NPAS2: variants seen among roughly 807,000 people sequenced by gnomAD.
The protein encoded by NPAS2 is neuronal PAS domain protein 2, also known as neuronal PAS domain-containing protein 2.
In NPAS2, 23 loss-of-function variants were observed where a neutral mutation model predicts 107.5. The observed-to-expected ratio is 0.21, with a 90% confidence interval of 0.15 to 0.30. The LOEUF (loss-of-function observed/expected upper bound fraction) is 0.30, where lower values mean the gene tolerates loss of function less well. Ranked by LOEUF, NPAS2 falls within the 10% of genes least tolerant of loss-of-function variation. The pLI is 1.00. For synonymous variants in NPAS2, 403 were observed against 417.5 expected (o/e 0.97, Z 0.42); for missense variants, 756 against 1,043.3 (o/e 0.72, Z 3.79).
chr2:100,898,672 C>T (rs1681576009), intron 1 of NPAS2, among the ~76,000 whole-genome samples: 1 of 151,940 alleles, frequency 6.6e-6, no homozygotes, highest in Admixed American at 6.6e-5. Context: ...AATTGTTAAT[C>T]TGATACAGGT....
At position 100,949,375 on chromosome 2, in the gene NPAS2, G is replaced by T. The variant is rs748982724; in HGVS notation, c.493G>T (p.Asp165Tyr). Reference sequence around the variant, plus strand: ...TTCCTTTAACGGCCCAGCTGACAGCGATTTAGAGTTTTATTGCCATCTTCT... The same window carrying T: ...TTCCTTTAACGGCCCAGCTGACAGCTATTTAGAGTTTTATTGCCATCTTCT... ...PSPEYLKSDS[D>Y]LEFYCHLLRG... The change falls in exon 7 of 21, where the codon GAT becomes TAT. Residue 165 changes from aspartate to tyrosine, a missense_variant. This residue lies in a region of NPAS2 where 146 missense variants were observed against 249.6 expected (regional missense o/e 0.58). Coordinates refer to ENST00000335681, the MANE Select transcript of NPAS2 (RefSeq NM_002518.4). 6.2e-7 allele frequency: 1 copy of T among 1,608,512 alleles called. No individual in the cohort carries two copies.
chr2:100,880,685 T>G (rs1170277606), intron 1 of NPAS2, among the ~76,000 whole-genome samples: 1 of 152,174 alleles, frequency 6.6e-6, no homozygotes, highest in Admixed American at 6.5e-5. Context: ...AAGGTGGTAG[T>G]TGCACAACAT....
chr2:100,858,663 C>T (rs373853925), intron 1 of NPAS2, among the ~76,000 whole-genome samples: 2 of 152,268 alleles, frequency 1.3e-5, no homozygotes, highest in African/African-American at 4.8e-5. Context: ...ACATCATTAA[C>T]GTCAGATCTC....
chr2:100,918,941 A>T (rs1355635559), intron 2 of NPAS2, among the ~76,000 whole-genome samples: 1 of 152,198 alleles, frequency 6.6e-6, no homozygotes, highest in Non-Finnish European at 1.5e-5. Flanking sequence ...CCTGTACACC[A>T]ATGGGCATAG....
At chr2:100,960,404 A>G in intron 7 of NPAS2, among the ~76,000 whole-genome samples, 1 of 151,890 alleles carries the variant, frequency 6.6e-6, no homozygotes, top group East Asian at 1.9e-4. Flanking sequence ...CTCTACTAAA[A>G]GTACAAAAAT....
intron 1 of NPAS2, among the ~76,000 whole-genome samples, chr2:100,828,938 C>A (rs1676555265): frequency 6.6e-6 from 1 of 152,100 alleles, no homozygotes; most frequent in African/African-American, 2.4e-5. Context: ...TGAAAAATGA[C>A]ATTGGTTGTT....
In NPAS2 at chr2:100,879,196, A is replaced by C. The variant is rs182981275; in HGVS notation, c.-22-25537A>C. 3.3e-5 allele frequency among the ~76,000 whole-genome samples: 5 copies of C among 152,290 alleles called. No homozygotes were observed. The East Asian group carries it at 9.6e-4, about 29-fold the overall frequency. On this transcript the variant is annotated intron_variant, in intron 1 of 20. Transcript: ENST00000335681. ...TCCAGGGCACATGTTGCTAAACATG[A>C]ATCATTTGCTTCATTGATAATTATA...
intron 3 of NPAS2, among the ~76,000 whole-genome samples, chr2:100,928,116 A>G (rs1489805607): frequency 6.6e-6 from 1 of 152,144 alleles, no homozygotes; most frequent in Non-Finnish European, 1.5e-5. Context: ...GATCATATAT[A>G]CCTATTAAAA....
Position 100,993,498 on chromosome 2 carries a change from C to T in NPAS2, c.2263C>T (p.Arg755Trp), listed in dbSNP as rs759505480. 2.0e-4 allele frequency: 317 copies of T among 1,594,592 alleles called. No homozygotes were observed. The highest frequency in any genetic ancestry group is 2.6e-4 in the Non-Finnish European group (300 of 1,170,912). The change falls in exon 20 of 21, where the codon CGG (arginine) becomes TGG (tryptophan). Residue 755 changes from arginine to tryptophan, a missense_variant. Around this residue, in one of 4 missense-constraint regions of NPAS2, gnomAD observed 496 missense variants for 594.4 expected, o/e 0.83. Transcript: ENST00000335681. ...ATCGCCCCTGCAGCCTGCACAGGCC[C>T]GGCAGCAGCCACCGCAGCACTACCT... ...QPSPLQPAQA[R>W]QQPPQHYLQV...
At chr2:100,903,908 C>T (rs950382046) in intron 1 of NPAS2, among the ~76,000 whole-genome samples, 1 of 152,008 alleles carries the variant, frequency 6.6e-6, no homozygotes, top group South Asian at 2.1e-4. Flanking sequence ...CCCAGGCCTG[C>T]GTGTGGTAGG....
At chr2:100,970,826 G>A (rs1477940719) in intron 11 of NPAS2, 164 bp from the exon 12 acceptor site, 6 of 534,436 alleles carry the variant, frequency 1.1e-5, no homozygotes, top group African/African-American at 5.8e-5. Context: ...AGAGAACGAC[G>A]CTCATTCCTT....
intron 1 of NPAS2, among the ~76,000 whole-genome samples, chr2:100,891,677 G>T (rs1305846383): frequency 3.9e-5 from 6 of 152,204 alleles, no homozygotes; most frequent in African/African-American, 1.4e-4. Context: ...GCCTCAATTA[G>T]CAATTCACAT....
chr2:100,967,372 G>A (rs1029116401), intron 10 of NPAS2, among the ~76,000 whole-genome samples: 1 of 146,844 alleles, frequency 6.8e-6, no homozygotes, highest in African/African-American at 2.5e-5. Flanking sequence ...GACAACAGAC[G>A]CCCGCCACCA....
In NPAS2 at chr2:100,976,398, C is replaced by G. The variant is rs1028867755; in HGVS notation, c.1392+831C>G. 1.3e-5 allele frequency among the ~76,000 whole-genome samples: 2 copies of G among 152,102 alleles called. No homozygotes were observed. Among genetic ancestry groups the G allele is most frequent in the African/African-American group, 4.8e-5 (2 of 41,416 alleles). On this transcript the variant is annotated intron_variant, in intron 14 of 20. Coordinates refer to ENST00000335681, the MANE Select transcript of NPAS2 (RefSeq NM_002518.4). This position sits in a 1 kb window ranked among gnomAD's most constrained non-coding sequence, Gnocchi z 4.1. The stretch of plus-strand genomic sequence containing the variant: ...GACACCTGGAGACGCAGGCAGGAAC[C>G]ATGCAGACCTCTGTGACCTAGCCAC...
intron 1 of NPAS2, among the ~76,000 whole-genome samples, chr2:100,863,222 A>G (rs1679051478): frequency 6.6e-6 from 1 of 152,210 alleles, no homozygotes; most frequent in African/African-American, 2.4e-5. Flanking sequence ...GGAGCATCTC[A>G]CACAGGTGTA....
intron 1 of NPAS2, among the ~76,000 whole-genome samples, chr2:100,837,656 A>G (rs1677150540): frequency 6.6e-6 from 1 of 152,072 alleles, no homozygotes; most frequent in African/African-American, 2.4e-5. Flanking sequence ...TTAATTTTGC[A>G]CTGTCCTGTT....
Position 100,988,216 on chromosome 2 carries a change from C to A in NPAS2, c.1767C>A (p.Ile589=). The change falls in exon 17 of 21, where the codon ATC becomes ATA. Residue 589 remains isoleucine (I), a synonymous_variant. Coordinates refer to ENST00000335681, the MANE Select transcript of NPAS2 (RefSeq NM_002518.4). ...CGGGCCCCCAACTTCCAGGGCAGAT[C>A]TCCTCTGCCCAGGTCACAAGCCAGC... ...LGAGPQLPGQ[I]SSAQVTSQHL... 6.2e-7 allele frequency: 1 copy of A among 1,614,012 alleles called. No individual in the cohort carries two copies. Among genetic ancestry groups the A allele is most frequent in the African/African-American group, 1.3e-5 (1 of 75,070 alleles).
intron 1 of NPAS2, among the ~76,000 whole-genome samples, chr2:100,839,292 C>T (rs544453522): frequency 6.6e-6 from 1 of 152,246 alleles, no homozygotes; most frequent in Admixed American, 6.5e-5. Flanking sequence ...CCATACCCAG[C>T]TAATTTTTGC....
At chr2:100,954,946 C>T (rs767626416) in intron 7 of NPAS2, among the ~76,000 whole-genome samples, 11 of 151,466 alleles carry the variant, frequency 7.3e-5, no homozygotes, top group Non-Finnish European at 1.0e-4. Context: ...GGCGTGATCT[C>T]GGCTCACTGG....
Sources: gnomAD v4.1 joint callset for allele counts (sites outside exome capture counted in the v4.1 genomes callset) on GRCh38, gnomAD v4.1.1 for gene constraint, gnomAD v4.1.1 regional missense constraint, Gnocchi (gnomAD v3.1) non-coding constraint, MANE v1.5 for transcripts, NCBI Gene and HGNC (gene_info 2026-07-23, HGNC 2026-07-21) for gene names.